The following CREB5 variants were observed in gnomAD, a reference collection of about 807,000 sequenced individuals.
CREB5 encodes cAMP responsive element binding protein 5, also known as cyclic AMP-responsive element-binding protein 5.
A neutral mutation model predicts 57.1 loss-of-function variants in CREB5; 19 were observed. That is an observed-to-expected ratio of 0.33 (90% confidence interval 0.23 to 0.49). CREB5 has a LOEUF of 0.49. Among genes scored for constraint, CREB5 ranks in the 20% least tolerant of loss-of-function variants. The probability of loss-of-function intolerance (pLI) is 0.99; values close to 1 mark genes in which losing one functional copy is unlikely to be tolerated. For missense variants in CREB5, 579 were observed against 671.6 expected (o/e 0.86, Z 1.52); for synonymous variants, 238 against 238.3 (o/e 1.00, Z 0.01).
rs1005781623 is a variant in CREB5 at position 28,824,401 on chromosome 7, T to C, written c.*5122T>C. On this transcript the variant is annotated 3_prime_UTR_variant, in exon 11 of 11. Coordinates refer to ENST00000357727, the MANE Select transcript of CREB5 (RefSeq NM_182898.4). ...CACCCTGGTGCACATCTGACTGTTGTCCTAGCCATAGACTCTCTGAGGCCA... is the reference window on the plus strand; with the variant it reads ...CACCCTGGTGCACATCTGACTGTTGCCCTAGCCATAGACTCTCTGAGGCCA... 6.6e-6 allele frequency: 1 copy of C among 152,638 alleles called. No homozygotes were observed. The highest frequency in any genetic ancestry group is 2.4e-5 in the African/African-American group (1 of 41,466). 9.5% of individuals were successfully genotyped at this position (152,638 alleles called of 1,614,324 possible).
intron 2 of CREB5, among the ~76,000 whole-genome samples, chr7:28,492,449 T>C (rs575499111): frequency 4.6e-5 from 7 of 152,204 alleles, no homozygotes; most frequent in Non-Finnish European, 8.8e-5. Context: ...CCAGTGGCCT[T>C]TCTCAGCTCT....
At chr7:28,305,986 T>G (rs746400695) in intron 1 of CREB5, among the ~76,000 whole-genome samples, 2 of 143,422 alleles carry the variant, frequency 1.4e-5, no homozygotes, top group African/African-American at 5.1e-5. Flanking sequence ...TTTTAATTAG[T>G]TTTTTTTTTG....
At chr7:28,571,013 A>G (rs1472546281) in intron 5 of CREB5, among the ~76,000 whole-genome samples, 2 of 152,004 alleles carry the variant, frequency 1.3e-5, no homozygotes, top group African/African-American at 4.8e-5. Context: ...TGCCCAATGG[A>G]TACCTGAAAG....
intron 5 of CREB5, among the ~76,000 whole-genome samples, chr7:28,608,404 T>A (rs1338519672): frequency 6.6e-6 from 1 of 152,148 alleles, no homozygotes; most frequent in Non-Finnish European, 1.5e-5. Flanking sequence ...GTTTTGTTTT[T>A]AAACAGATGG....
intron 1 of CREB5, among the ~76,000 whole-genome samples, chr7:28,368,182 G>A (rs1213211709): frequency 6.6e-6 from 1 of 152,140 alleles, no homozygotes; most frequent in Non-Finnish European, 1.5e-5. Context: ...TTATAAGTGG[G>A]GGCTAAGCTA....
At chr7:28,467,958 A>G (rs1340370080) in intron 1 of CREB5, among the ~76,000 whole-genome samples, 1 of 152,244 alleles carries the variant, frequency 6.6e-6, no homozygotes, top group African/African-American at 2.4e-5. Context: ...TTAGGAGGTC[A>G]TTAAAGCTAC....
At chr7:28,370,353 A>G (rs1476281025) in intron 1 of CREB5, among the ~76,000 whole-genome samples, 1 of 152,202 alleles carries the variant, frequency 6.6e-6, no homozygotes, top group Non-Finnish European at 1.5e-5. Flanking sequence ...AAAGTGAGAA[A>G]ATACAGAGTT....
intron 1 of CREB5, among the ~76,000 whole-genome samples, chr7:28,416,017 G>A (rs145966305): frequency 1.1e-3 from 166 of 152,262 alleles, no homozygotes; most frequent in African/African-American, 3.8e-3. Flanking sequence ...AAAAATTCAT[G>A]CATGCAACAC....
chr7:28,761,676 A>AGAG (rs1424126252), intron 7 of CREB5, among the ~76,000 whole-genome samples: 1 of 151,962 alleles, frequency 6.6e-6, no homozygotes, highest in African/African-American at 2.4e-5. Flanking sequence ...TGACTGGGAG[A>AGAG]GAGTCCAAAT....
rs571380015 is a variant in CREB5 at position 28,812,676 on chromosome 7, T to C, written c.1254+3262T>C. 3.9e-5 allele frequency among the ~76,000 whole-genome samples: 6 copies of C among 152,286 alleles called. No individual in the cohort carries two copies. The South Asian group carries it at 1.0e-3, about 26-fold the overall frequency. ...AGGGACAGAAGCCACAACCACCCAG[T>C]GTTCTCTGTGAAGCTGAGTGTCCTG... On this transcript the variant is annotated intron_variant, in intron 9 of 10. Coordinates refer to ENST00000357727, the MANE Select transcript of CREB5 (RefSeq NM_182898.4).
intron 8 of CREB5, among the ~76,000 whole-genome samples, chr7:28,807,444 G>A (rs541611925): frequency 9.2e-5 from 14 of 152,204 alleles, no homozygotes; most frequent in Non-Finnish European, 1.3e-4. Context: ...GAGAGACTCC[G>A]TCTCAAGAAA....
At chr7:28,300,503 C>T (rs1242578520) in intron 1 of CREB5, among the ~76,000 whole-genome samples, 2 of 152,134 alleles carry the variant, frequency 1.3e-5, no homozygotes, top group Non-Finnish European at 2.9e-5. Flanking sequence ...TGCCCCTGTG[C>T]GTAGTACCTG....
chr7:28,724,414 A>G, intron 7 of CREB5, 82 bp downstream of exon 7: 1 of 1,131,080 alleles, frequency 8.8e-7, no homozygotes, highest in East Asian at 2.5e-5. Flanking sequence ...ACCTTAGTTC[A>G]GCTAGGTAGA....
intron 1 of CREB5, among the ~76,000 whole-genome samples, chr7:28,407,241 G>A (rs1787601557): frequency 6.6e-6 from 1 of 151,936 alleles, no homozygotes; most frequent in African/African-American, 2.4e-5. Context: ...GTAGAGACGG[G>A]CGTTTCACCA....
chr7:28,458,848 G>A (rs1583487815), intron 1 of CREB5, among the ~76,000 whole-genome samples: 1 of 152,192 alleles, frequency 6.6e-6, no homozygotes, highest in Non-Finnish European at 1.5e-5. Context: ...CCTTGGAAAT[G>A]GCAGTTCCCA....
intron 1 of CREB5, among the ~76,000 whole-genome samples, chr7:28,436,015 G>A (rs1419928678): frequency 6.6e-6 from 1 of 152,064 alleles, no homozygotes; most frequent in African/African-American, 2.4e-5. Flanking sequence ...CTTGTGGCAT[G>A]ATGGTTTATT....
intron 1 of CREB5, among the ~76,000 whole-genome samples, chr7:28,435,155 G>A (rs1472708374): frequency 1.4e-5 from 2 of 141,176 alleles, no homozygotes; most frequent in African/African-American, 5.3e-5. Context: ...GGACACTTAA[G>A]TAACTGCATG....
chr7:28,649,887 T>C (rs1333677974), intron 5 of CREB5, among the ~76,000 whole-genome samples: 1 of 152,194 alleles, frequency 6.6e-6, no homozygotes, highest in Non-Finnish European at 1.5e-5. Flanking sequence ...ATGAGCTAAA[T>C]AGTCAGTTGA....
At chr7:28,439,834 T>C (rs796078402) in intron 1 of CREB5, among the ~76,000 whole-genome samples, 25 of 152,294 alleles carry the variant, frequency 1.6e-4, no homozygotes, top group African/African-American at 6.0e-4. Context: ...GCATTATTAT[T>C]TTTCTCTGTG....
Sources: gnomAD v4.1 joint callset for allele counts (sites outside exome capture counted in the v4.1 genomes callset) on GRCh38, gnomAD v4.1.1 for gene constraint, MANE v1.5 for transcripts, NCBI Gene and HGNC (gene_info 2026-07-23, HGNC 2026-07-21) for gene names.